SCHIP1: variants seen among roughly 807,000 people sequenced by gnomAD.
SCHIP1 encodes the protein schwannomin interacting protein 1.
SCHIP1 carries 8 observed loss-of-function variants against 29.7 expected under a neutral mutation model. The ratio of observed to expected loss-of-function variants is 0.27; its 90% CI spans 0.16 to 0.49. The LOEUF (loss-of-function observed/expected upper bound fraction) is 0.49. SCHIP1 is among the 20% of genes least tolerant of loss of function. The pLI is 0.99. For missense variants in SCHIP1, 193 were observed against 294.6 expected (o/e 0.66, Z 2.52); for synonymous variants, 76 against 94.9 (o/e 0.80, Z 1.16).
the SCHIP1 span, among the ~76,000 whole-genome samples, chr3:159,585,110 G>GCC: frequency 6.6e-6 from 1 of 151,382 alleles, no homozygotes; most frequent in African/African-American, 2.4e-5. Context: ...TCTCTTTCCT[G>GCC]CTTTTTGTTT....
the SCHIP1 span, among the ~76,000 whole-genome samples, chr3:159,341,214 TG>T: frequency 4.3e-3 from 653 of 152,200 alleles, 4 homozygotes; most frequent in Non-Finnish European, 7.3e-3. Flanking sequence ...TCCTAGCTTT[TG>T]AAGTGCTGCC....
At chr3:159,278,912 T>G in the SCHIP1 span, among the ~76,000 whole-genome samples, 1 of 152,144 alleles carries the variant, frequency 6.6e-6, no homozygotes, top group Non-Finnish European at 1.5e-5. Context: ...GAACCCAGGA[T>G]GGTGGGAGCT....
At chr3:159,686,372 G>A in the SCHIP1 span, among the ~76,000 whole-genome samples, 1 of 152,134 alleles carries the variant, frequency 6.6e-6, no homozygotes, top group South Asian at 2.1e-4. Context: ...TCTTCCAGAG[G>A]AAGTTATCTT....
chr3:159,337,812 T>C, the SCHIP1 span, among the ~76,000 whole-genome samples: 2 of 152,174 alleles, frequency 1.3e-5, no homozygotes, highest in Admixed American at 6.6e-5. Flanking sequence ...GAGATACTCC[T>C]AAAGACTATC....
the SCHIP1 span, among the ~76,000 whole-genome samples, chr3:159,506,977 A>C: frequency 6.6e-6 from 1 of 152,148 alleles, no homozygotes. Context: ...ATGAACTTTA[A>C]AATAGTTTTT....
chr3:159,452,850 C>A, the SCHIP1 span, among the ~76,000 whole-genome samples: 3 of 152,246 alleles, frequency 2.0e-5, no homozygotes, highest in South Asian at 6.2e-4. Flanking sequence ...TATAACAGAT[C>A]TTCTCCACAG....
At chr3:159,337,299 C>A in the SCHIP1 span, among the ~76,000 whole-genome samples, 1 of 152,070 alleles carries the variant, frequency 6.6e-6, no homozygotes, top group Admixed American at 6.6e-5. Flanking sequence ...GACAGGGATG[C>A]CCTCTCTCAC....
At chr3:159,711,655 T>C in the SCHIP1 span, among the ~76,000 whole-genome samples, 1 of 152,138 alleles carries the variant, frequency 6.6e-6, no homozygotes, top group Admixed American at 6.5e-5. Flanking sequence ...AGAACTGAAA[T>C]AGGGCCAGAT....
At chr3:159,879,274 T>C (rs1716195057) in intron 2 of SCHIP1, among the ~76,000 whole-genome samples, 2 of 152,076 alleles carry the variant, frequency 1.3e-5, no homozygotes, top group South Asian at 2.1e-4. Context: ...TTCTTTCTTT[T>C]TTTTTTCTTT....
chr3:159,681,129 C>T, the SCHIP1 span, among the ~76,000 whole-genome samples: 1 of 151,962 alleles, frequency 6.6e-6, no homozygotes, highest in Non-Finnish European at 1.5e-5. Flanking sequence ...TGGTATGTGT[C>T]TGTTAATCTC....
chr3:159,285,885 A>G, the SCHIP1 span, among the ~76,000 whole-genome samples: 1 of 151,984 alleles, frequency 6.6e-6, no homozygotes, highest in Admixed American at 6.6e-5. Flanking sequence ...TATTCTCTTT[A>G]GTTTCTCCCC....
the SCHIP1 span, among the ~76,000 whole-genome samples, chr3:159,704,990 T>C: frequency 3.0e-3 from 460 of 151,170 alleles, 4 homozygotes; most frequent in African/African-American, 0.011. Context: ...TTAGAGGGAG[T>C]CTCCCTCTTG....
At chr3:159,812,281 A>G in the SCHIP1 span, among the ~76,000 whole-genome samples, 2 of 152,048 alleles carry the variant, frequency 1.3e-5, no homozygotes, top group Non-Finnish European at 2.9e-5. Flanking sequence ...TGTAGTTTTC[A>G]GTGTATAAGT....
the SCHIP1 span, among the ~76,000 whole-genome samples, chr3:159,774,347 A>G: frequency 6.6e-6 from 1 of 152,196 alleles, no homozygotes; most frequent in African/African-American, 2.4e-5. Flanking sequence ...GTGAATAATT[A>G]TCTTCCTGTC....
chr3:159,585,754 T>C, the SCHIP1 span, among the ~76,000 whole-genome samples: 3 of 152,186 alleles, frequency 2.0e-5, no homozygotes, highest in Non-Finnish European at 4.4e-5. Context: ...AATCTGACCC[T>C]ATAGTATAAC....
chr3:159,543,525 T>C, the SCHIP1 span, among the ~76,000 whole-genome samples: 1 of 151,392 alleles, frequency 6.6e-6, no homozygotes, highest in Non-Finnish European at 1.5e-5. Flanking sequence ...ATTTCATCCA[T>C]GTCCCTACAA....
chr3:159,603,370 A>G, the SCHIP1 span, among the ~76,000 whole-genome samples: 26 of 152,246 alleles, frequency 1.7e-4, 1 homozygote, highest in South Asian at 2.5e-3. Flanking sequence ...ATCACTGGCT[A>G]TTGGTGATCA....
At chr3:159,671,069 A>G in the SCHIP1 span, among the ~76,000 whole-genome samples, 2 of 152,156 alleles carry the variant, frequency 1.3e-5, no homozygotes, top group Non-Finnish European at 2.9e-5. Flanking sequence ...ATACCCATGG[A>G]CCTGGCCCTG....
At chr3:159,425,322 G>T in the SCHIP1 span, among the ~76,000 whole-genome samples, 4 of 151,628 alleles carry the variant, frequency 2.6e-5, no homozygotes, top group African/African-American at 9.7e-5. Context: ...ACACACATAG[G>T]CTCAAAATAA....
Sources: allele counts gnomAD v4.1 joint callset (sites outside exome capture counted in the v4.1 genomes callset), GRCh38; gene constraint gnomAD v4.1.1; transcripts MANE v1.5; gene names NCBI Gene and HGNC (gene_info 2026-07-23, HGNC 2026-07-21).